STK38: variants seen among roughly 807,000 people sequenced by gnomAD.
STK38 encodes the protein serine/threonine kinase 38.
Under a neutral mutation model 59.0 loss-of-function variants are expected in STK38, and 26 were observed. The observed-to-expected ratio is 0.44, with a 90% CI of 0.32 to 0.61. The LOEUF is 0.61. Among genes scored for constraint, STK38 ranks in the 20% least tolerant of loss-of-function variants. The pLI, the probability that STK38 is intolerant of heterozygous loss-of-function variation, is 0.04. For missense variants in STK38, 433 were observed against 566.0 expected (o/e 0.76, Z 2.38); for synonymous variants, 175 against 176.6 (o/e 0.99, Z 0.07).
chr6:36,529,714 C>T (rs998566014), intron 2 of STK38, among the ~76,000 whole-genome samples: 1 of 152,194 alleles, frequency 6.6e-6, no homozygotes, highest in Non-Finnish European at 1.5e-5. Flanking sequence ...TTGTACACAG[C>T]TACTTTCTAA....
At chr6:36,507,229 C>T (rs1391234425) in intron 8 of STK38, among the ~76,000 whole-genome samples, 1 of 152,018 alleles carries the variant, frequency 6.6e-6, no homozygotes, top group Non-Finnish European at 1.5e-5. Context: ...TCCTCTACTA[C>T]TTCTGCTTGC....
intron 2 of STK38, among the ~76,000 whole-genome samples, chr6:36,539,398 A>AAACCAAT (rs1777877602): frequency 6.6e-6 from 1 of 152,148 alleles, no homozygotes. Flanking sequence ...AAAAAAAAAA[A>AAACCAAT]AACCAATAAA....
At chr6:36,497,915 C>A in intron 11 of STK38, 40 bp from the exon 12 acceptor site, 2 of 1,369,970 alleles carry the variant, frequency 1.5e-6, no homozygotes, top group Non-Finnish European at 2.0e-6. Flanking sequence ...CTCAAGCAGT[C>A]TCCTCAGAAA....
chr6:36,532,552 G>C (rs1240735957), intron 2 of STK38, among the ~76,000 whole-genome samples: 1 of 151,982 alleles, frequency 6.6e-6, no homozygotes, highest in African/African-American at 2.4e-5. Flanking sequence ...AAGGCGGGTG[G>C]ATCACTTGAG....
At chr6:36,499,391 G>T (rs1467253123) in intron 10 of STK38, among the ~76,000 whole-genome samples, 1 of 151,974 alleles carries the variant, frequency 6.6e-6, no homozygotes, top group Admixed American at 6.6e-5. Context: ...AACCACCAAG[G>T]ATATACTTAA....
chr6:36,545,919 A>G (rs1388926475), intron 1 of STK38, among the ~76,000 whole-genome samples: 1 of 152,216 alleles, frequency 6.6e-6, no homozygotes, highest in African/African-American at 2.4e-5. Context: ...TTCAATCTAT[A>G]TGGTTATGCC....
rs140779486 is a variant in STK38 at position 36,501,991 on chromosome 6, T to C, written c.835-2001A>G. On this transcript the variant is annotated intron_variant, in intron 9 of 13. Coordinates refer to ENST00000229812, the MANE Select transcript of STK38 (RefSeq NM_007271.4). The stretch of plus-strand genomic sequence containing the variant: ...AGCCTTGGGTTATAAGCATTTAAAC[T>C]TGAGGTATCTTCCATGTCCTCCAAA... Among the ~76,000 whole-genome samples the C allele has an allele frequency of 6.2e-3, 944 of 152,322 alleles. 12 individuals carry two copies. Among genetic ancestry groups the C allele is most frequent in the African/African-American group, 0.022 (906 of 41,560 alleles).
chr6:36,537,852 T>C (rs1340003102), intron 2 of STK38, among the ~76,000 whole-genome samples: 1 of 151,500 alleles, frequency 6.6e-6, no homozygotes, highest in African/African-American at 2.4e-5. Flanking sequence ...TAAGCTATGA[T>C]AGTGCCACTG....
chr6:36,508,700 G>A lies in STK38; in HGVS notation c.670-1098C>T, dbSNP rs866343776. Among the ~76,000 whole-genome samples the A allele has an allele frequency of 4.5e-4, 68 of 152,314 alleles. 2 individuals are homozygous for A. The highest frequency in any genetic ancestry group is 1.0e-4 in the Non-Finnish European group (7 of 68,028). On this transcript the variant is annotated intron_variant, in intron 7 of 13. Coordinates refer to ENST00000229812, the MANE Select transcript of STK38 (RefSeq NM_007271.4). ...CCTGGCAGGCTTGTGCTACCAGCGC[G>A]GATCCCAAGCCTGCCAAGGGCAAGA...
intron 2 of STK38, among the ~76,000 whole-genome samples, 165 bp from the exon 3 acceptor site, chr6:36,525,807 G>A (rs1777496297): frequency 6.6e-6 from 1 of 151,788 alleles, no homozygotes; most frequent in African/African-American, 2.4e-5. Flanking sequence ...CAAGTAAAAA[G>A]ATTTCCATCC....
intron 2 of STK38, among the ~76,000 whole-genome samples, chr6:36,532,309 T>A (rs667597): frequency 0.37 from 24,741 of 66,068 alleles, 2,627 homozygotes; most frequent in African/African-American, 0.51. Context: ...CTTGTCTGCA[T>A]AAAAAAAAAA....
intron 6 of STK38, 37 bp from the exon 7 acceptor site, chr6:36,515,529 C>T (rs1777229206): frequency 6.3e-7 from 1 of 1,593,854 alleles, no homozygotes; most frequent in East Asian, 2.2e-5. Context: ...CACACACACA[C>T]ACACACACAC....
chr6:36,513,163 G>A (rs1225680403), intron 7 of STK38, among the ~76,000 whole-genome samples: 2 of 151,716 alleles, frequency 1.3e-5, no homozygotes, highest in African/African-American at 4.8e-5. Flanking sequence ...GGGATTACAG[G>A]TGCCCATCAC....
chr6:36,533,604 C>A (rs1035760481), intron 2 of STK38, among the ~76,000 whole-genome samples: 2 of 152,160 alleles, frequency 1.3e-5, no homozygotes, highest in Admixed American at 6.5e-5. Flanking sequence ...CACAATGTAT[C>A]ATTTATTAAT....
chr6:36,541,995 A>AT (rs35998616), intron 1 of STK38, among the ~76,000 whole-genome samples: 51 of 147,358 alleles, frequency 3.5e-4, no homozygotes, highest in South Asian at 6.5e-4. Context: ...TGCCCAGCTA[A>AT]TTTTTTTTTT....
intron 9 of STK38, among the ~76,000 whole-genome samples, chr6:36,501,141 A>T (rs2127467552): frequency 6.6e-6 from 1 of 152,024 alleles, no homozygotes; most frequent in East Asian, 1.9e-4. Flanking sequence ...TTTTGTAGAG[A>T]TGGGGTTTTG....
In STK38 at chr6:36,497,811, AAG is replaced by A. The variant is rs774768391; in HGVS notation, c.1139_1140del (p.Ser380PhefsTer3). On this transcript the variant is annotated frameshift_variant, in exon 12 of 14. Transcript: ENST00000229812. LOFTEE classifies it high-confidence loss of function. The part of the protein sequence containing the change: ...APGVEEIKSN[S>X]FFEGVDWEHI... ...TGTTCCCAGTCAACGCCTTCAAAAAAAGAGTTACTTTTTATTTCCTCAACTCC... is the reference window on the plus strand; with the variant it reads ...TGTTCCCAGTCAACGCCTTCAAAAAAAGTTACTTTTTATTTCCTCAACTCC... The A allele has an allele frequency of 6.2e-7, 1 of 1,613,854 alleles. No homozygotes were observed. Among genetic ancestry groups the A allele is most frequent in the Non-Finnish European group, 8.5e-7 (1 of 1,179,966 alleles).
intron 7 of STK38, among the ~76,000 whole-genome samples, chr6:36,512,995 T>C (rs1055776491): frequency 6.6e-6 from 1 of 151,866 alleles, no homozygotes; most frequent in Non-Finnish European, 1.5e-5. Context: ...GTCTGTAATG[T>C]TCAAATTTTC....
chr6:36,536,515 ATTTT>A (rs1022828719), intron 2 of STK38, among the ~76,000 whole-genome samples: 2 of 151,820 alleles, frequency 1.3e-5, no homozygotes, highest in Non-Finnish European at 2.9e-5. Flanking sequence ...AAAACAAAAA[ATTTT>A]TTTTAATTTT....
Sources: allele counts gnomAD v4.1 joint callset (sites outside exome capture counted in the v4.1 genomes callset), GRCh38; gene constraint gnomAD v4.1.1; transcripts MANE v1.5; gene names NCBI Gene and HGNC (gene_info 2026-07-23, HGNC 2026-07-21).